RBMS3: variants seen among roughly 807,000 people sequenced by gnomAD.
RBMS3 encodes RNA binding motif single stranded interacting protein 3.
In RBMS3, 27 loss-of-function variants were observed where a neutral mutation model predicts 66.8. The ratio of observed to expected loss-of-function variants is 0.40; its 90% confidence interval spans 0.30 to 0.56. The LOEUF (loss-of-function observed/expected upper bound fraction) is 0.56. RBMS3 is among the 20% of genes least tolerant of loss of function. The pLI is 0.40. For synonymous variants in RBMS3, 188 were observed against 183.0 expected, an observed-to-expected ratio of 1.03 and a Z score of -0.22; for missense variants, 513 against 549.5, an observed-to-expected ratio of 0.93 and a Z score of 0.66.
intron 10 of RBMS3, among the ~76,000 whole-genome samples, chr3:29,901,846 A>T (rs1011097836): frequency 4.6e-5 from 7 of 151,798 alleles, no homozygotes; most frequent in African/African-American, 1.4e-4. Flanking sequence ...TATCTTTTAG[A>T]TGGAGAAAAG....
At chr3:29,791,946 T>C (rs1264761923) in intron 6 of RBMS3, among the ~76,000 whole-genome samples, 1 of 152,246 alleles carries the variant, frequency 6.6e-6, no homozygotes, top group East Asian at 1.9e-4. Context: ...TCACATTTTA[T>C]TTTTTAATGA....
In RBMS3 at chr3:29,941,088, T is replaced by C. The variant is rs899061274; in HGVS notation, c.1051-3119T>C. The stretch of plus-strand genomic sequence containing the variant: ...AGAATCTGTTGGAAGAAATAAAAAG[T>C]TTTTGTTCTGCAGGTTTTGTATCTG... On this transcript the variant is annotated intron_variant, in intron 11 of 14. Coordinates refer to ENST00000383767, the MANE Select transcript of RBMS3 (RefSeq NM_001003793.3). 2.6e-5 allele frequency among the ~76,000 whole-genome samples: 4 copies of C among 151,958 alleles called. No homozygotes were observed. The East Asian group carries it at 7.8e-4, about 30-fold the overall frequency.
chr3:29,623,516 A>C (rs1009438554), intron 4 of RBMS3, among the ~76,000 whole-genome samples: 8 of 150,504 alleles, frequency 5.3e-5, no homozygotes, highest in African/African-American at 1.2e-4. Context: ...GGCGTGAACC[A>C]GGGAGATGGA....
rs34050334 is a variant in RBMS3, at chr3:29,491,993, GAA to G, written c.307+3505_307+3506del. Among the ~76,000 whole-genome samples, 18 of 146,200 alleles carry G rather than the reference GAA, an allele frequency of 1.2e-4. No individual in the cohort carries two copies. In the East Asian group the frequency reaches 1.4e-3, roughly 11 times the overall value. Reference sequence around the variant, plus strand: ...GGGTGACAGAGCAAGGCTCAGTCTCGAAAAAAAAAAAAGAAATTGGACACCAT... The same window carrying G: ...GGGTGACAGAGCAAGGCTCAGTCTCGAAAAAAAAAAGAAATTGGACACCAT... On this transcript the variant is annotated intron_variant, in intron 3 of 14. Coordinates refer to ENST00000383767, the MANE Select transcript of RBMS3 (RefSeq NM_001003793.3).
chr3:29,310,171 C>A (rs1189756376), intron 1 of RBMS3, among the ~76,000 whole-genome samples: 1 of 151,620 alleles, frequency 6.6e-6, no homozygotes, highest in Non-Finnish European at 1.5e-5. Flanking sequence ...ATAATCACTT[C>A]TTTCTTTAAG....
intron 3 of RBMS3, among the ~76,000 whole-genome samples, chr3:29,524,612 T>A (rs79605526): frequency 1.8e-4 from 8 of 45,034 alleles, no homozygotes; most frequent in Non-Finnish European, 4.0e-4. Flanking sequence ...ATTTTATTTA[T>A]TTATTTTTTT....
chr3:29,346,338 G>A (rs2036572846), intron 1 of RBMS3, among the ~76,000 whole-genome samples: 1 of 149,514 alleles, frequency 6.7e-6, no homozygotes, highest in African/African-American at 2.5e-5. Context: ...TTCCAGTTAT[G>A]CTTTCATTTT....
At chr3:29,847,494 A>G (rs2149513311) in intron 6 of RBMS3, among the ~76,000 whole-genome samples, 1 of 152,314 alleles carries the variant, frequency 6.6e-6, no homozygotes, top group Middle Eastern at 3.4e-3. Flanking sequence ...TTTCTATATT[A>G]AGTCTTGAGT....
At chr3:29,312,702 C>CT (rs141418268) in intron 1 of RBMS3, among the ~76,000 whole-genome samples, 5,710 of 147,890 alleles carry the variant, frequency 0.039, 139 homozygotes, top group South Asian at 0.071. Context: ...CTTCCCTCTC[C>CT]TTTTTTTTTT....
chr3:29,652,504 G>A (rs901888706), intron 4 of RBMS3, among the ~76,000 whole-genome samples: 3 of 151,946 alleles, frequency 2.0e-5, no homozygotes, highest in Non-Finnish European at 4.4e-5. Context: ...ATGGTTTTAG[G>A]CCCTCCTGCT....
rs1238504986 is a variant in RBMS3 at position 30,003,941 on chromosome 3, G to T, written c.*79G>T. The T allele has an allele frequency of 2.4e-6, 3 of 1,225,718 alleles. No homozygotes were observed. Among genetic ancestry groups the T allele is most frequent in the African/African-American group, 1.6e-5 (1 of 64,360 alleles). The allele number at this position is 1,225,718 out of a possible 1,614,324, so 75.9% of individuals were successfully genotyped here. A position where few individuals can be genotyped will look rare whatever the true frequency, so the allele number is the denominator to read the frequency against. On this transcript the variant is annotated 3_prime_UTR_variant, in exon 15 of 15. Transcript: ENST00000383767. ...TGAACAAGAAGTTGGCTTCCAGTTTGCACAGACGTCAATGGAATGCATTTT... is the reference window on the plus strand; with the variant it reads ...TGAACAAGAAGTTGGCTTCCAGTTTTCACAGACGTCAATGGAATGCATTTT...
intron 4 of RBMS3, among the ~76,000 whole-genome samples, chr3:29,722,292 C>A (rs1323240985): frequency 6.6e-6 from 1 of 151,464 alleles, no homozygotes; most frequent in Non-Finnish European, 1.5e-5. Context: ...ACTAACATCT[C>A]TTACATTTGC....
chr3:29,738,235 A>G (rs1230198113), intron 4 of RBMS3, among the ~76,000 whole-genome samples: 1 of 152,146 alleles, frequency 6.6e-6, no homozygotes, highest in Non-Finnish European at 1.5e-5. Flanking sequence ...TAATAATATG[A>G]TATCTTTTCA....
intron 1 of RBMS3, among the ~76,000 whole-genome samples, chr3:29,363,450 G>GGT (rs2037718954): frequency 6.6e-6 from 1 of 152,142 alleles, no homozygotes; most frequent in South Asian, 2.1e-4. Context: ...TCACTAAGTA[G>GGT]TGAAAATATT....
At chr3:29,935,221 A>G (rs938015624) in intron 10 of RBMS3, among the ~76,000 whole-genome samples, 15 of 152,214 alleles carry the variant, frequency 9.9e-5, no homozygotes, top group East Asian at 1.9e-4. Flanking sequence ...AGAGAAAGAG[A>G]AATGGAAGGA....
At chr3:29,793,772 A>G (rs1234227405) in intron 6 of RBMS3, among the ~76,000 whole-genome samples, 1 of 152,168 alleles carries the variant, frequency 6.6e-6, no homozygotes, top group Non-Finnish European at 1.5e-5. Flanking sequence ...GGTCCTTTCT[A>G]GTGTATGTGG....
At chr3:29,782,065 G>A (rs985159098) in intron 6 of RBMS3, among the ~76,000 whole-genome samples, 11 of 152,018 alleles carry the variant, frequency 7.2e-5, no homozygotes, top group East Asian at 1.9e-4. Flanking sequence ...CCTCGGAGTC[G>A]AAGACAAAGG....
intron 1 of RBMS3, among the ~76,000 whole-genome samples, chr3:29,380,865 G>A (rs969460310): frequency 6.6e-6 from 1 of 152,200 alleles, no homozygotes; most frequent in African/African-American, 2.4e-5. Flanking sequence ...CATGGGACAT[G>A]AACTACATAT....
intron 10 of RBMS3, among the ~76,000 whole-genome samples, chr3:29,911,637 G>T (rs984473289): frequency 6.6e-6 from 1 of 151,968 alleles, no homozygotes; most frequent in African/African-American, 2.4e-5. Flanking sequence ...GAATACCCCA[G>T]GTGAAAGTGA....
Sources: gnomAD v4.1 joint callset for allele counts (sites outside exome capture counted in the v4.1 genomes callset) on GRCh38, gnomAD v4.1.1 for gene constraint, MANE v1.5 for transcripts, NCBI Gene and HGNC (gene_info 2026-07-23, HGNC 2026-07-21) for gene names.